The following DNM3 variants were observed in gnomAD, a reference collection of about 807,000 sequenced individuals.
DNM3 encodes dynamin 3.
Under a neutral mutation model 101.6 loss-of-function variants are expected in DNM3, and 47 were observed. The ratio of observed to expected loss-of-function variants is 0.46; its 90% CI spans 0.37 to 0.59. DNM3 has a LOEUF of 0.59. DNM3 is among the 20% of genes least tolerant of loss of function. DNM3 has a pLI of 0.00. For synonymous variants in DNM3, 385 were observed against 387.9 expected, an observed-to-expected ratio of 0.99 and a Z score of 0.09; for missense variants, 849 against 1,085.7, an observed-to-expected ratio of 0.78 and a Z score of 3.06.
chr1:171,847,732 G>A (rs913560036), intron 1 of DNM3, among the ~76,000 whole-genome samples: 1 of 152,094 alleles, frequency 6.6e-6, no homozygotes, highest in Admixed American at 6.5e-5. Context: ...ACAAATGTCA[G>A]GGAAAATGTC....
At chr1:172,168,765 A>G (rs1442639650) in intron 14 of DNM3, among the ~76,000 whole-genome samples, 1 of 151,944 alleles carries the variant, frequency 6.6e-6, no homozygotes, top group East Asian at 1.9e-4. Context: ...CAGGCCCCTC[A>G]CACGGTCTTA....
At chr1:172,206,415 C>T (rs567517164) in intron 14 of DNM3, among the ~76,000 whole-genome samples, 1 of 152,238 alleles carries the variant, frequency 6.6e-6, no homozygotes, top group South Asian at 2.1e-4. Flanking sequence ...TGTTTTATGT[C>T]TACTTCCTCT....
At position 172,201,297 on chromosome 1, in the gene DNM3, TC is replaced by T. The variant is rs199982936; in HGVS notation, c.1660-52271del. 7.2e-5 allele frequency among the ~76,000 whole-genome samples: 11 copies of T among 152,200 alleles called. No individual in the cohort carries two copies. The East Asian group carries it at 1.9e-3, about 27-fold the overall frequency. Reference sequence around the variant, plus strand: ...AATGCTCTGAAAGTGTGGGATCCTCTCCCCCTTGAGTGCTGGCTGTAGATCA... The same window carrying T: ...AATGCTCTGAAAGTGTGGGATCCTCTCCCCTTGAGTGCTGGCTGTAGATCA... On this transcript the variant is annotated intron_variant, in intron 14 of 20. Transcript: ENST00000627582.
chr1:172,277,469 G>A (rs2063333015), intron 15 of DNM3, among the ~76,000 whole-genome samples: 2 of 152,012 alleles, frequency 1.3e-5, no homozygotes, highest in Non-Finnish European at 2.9e-5. Flanking sequence ...CTGATCAAAG[G>A]CAGTGAGTGT....
Position 172,048,566 on chromosome 1 carries a change from A to G in DNM3, c.1197-46A>G, listed in dbSNP as rs1279755317. The G allele has an allele frequency of 7.7e-6, 12 of 1,559,686 alleles. No homozygotes were observed. In the South Asian group the frequency reaches 8.5e-5, roughly 11 times the overall value. Reference sequence around the variant, plus strand: ...ATTTTTCAAAAGATTTTTGAATATTACTCAATTAAAAAAATCTCATGGGCT... The same window carrying G: ...ATTTTTCAAAAGATTTTTGAATATTGCTCAATTAAAAAAATCTCATGGGCT... On this transcript the variant is annotated intron_variant, in intron 9 of 20. Transcript: ENST00000627582.
At chr1:172,037,113 T>C (rs371377606) in intron 6 of DNM3, among the ~76,000 whole-genome samples, 4 of 152,140 alleles carry the variant, frequency 2.6e-5, no homozygotes, top group South Asian at 2.1e-4. Context: ...CCAGTTAGAA[T>C]GGCAATCATT....
downstream of DNM3, chr1:172,412,861 A>G (rs1229753535): frequency 3.0e-6 from 2 of 659,776 alleles, no homozygotes; most frequent in East Asian, 1.4e-4. Flanking sequence ...CATTTCTGTC[A>G]TTAATTTGGA....
At chr1:172,050,523 T>C (rs1453306476) in intron 10 of DNM3, among the ~76,000 whole-genome samples, 6 of 152,198 alleles carry the variant, frequency 3.9e-5, no homozygotes, top group Non-Finnish European at 8.8e-5. Context: ...TTTGTTTCTA[T>C]GAAAACTAAA....
At chr1:172,060,103 C>G (rs2051043307) in intron 10 of DNM3, among the ~76,000 whole-genome samples, 2 of 150,748 alleles carry the variant, frequency 1.3e-5, no homozygotes, top group South Asian at 4.2e-4. Context: ...ACAATTGCTT[C>G]AAAGAGAATA....
chr1:172,352,631 A>AAGGC (rs2067250177), intron 17 of DNM3, among the ~76,000 whole-genome samples: 1 of 152,200 alleles, frequency 6.6e-6, no homozygotes, highest in Non-Finnish European at 1.5e-5. Flanking sequence ...TATCTGGAGT[A>AAGGC]TACCTGTGGT....
chr1:172,357,032 A>G (rs1333951963), intron 17 of DNM3, among the ~76,000 whole-genome samples: 1 of 152,162 alleles, frequency 6.6e-6, no homozygotes, highest in Non-Finnish European at 1.5e-5. Context: ...ATTATAATCC[A>G]TAGAATAAAA....
intron 15 of DNM3, among the ~76,000 whole-genome samples, chr1:172,261,399 G>C (rs905026403): frequency 6.6e-6 from 1 of 152,194 alleles, no homozygotes; most frequent in Non-Finnish European, 1.5e-5. Context: ...CATCAGTGGT[G>C]TCTGAGACTA....
At chr1:172,319,208 C>T (rs1481036118) in intron 16 of DNM3, among the ~76,000 whole-genome samples, 15 of 151,924 alleles carry the variant, frequency 9.9e-5, no homozygotes, top group Non-Finnish European at 2.1e-4. Flanking sequence ...AAACTGGATC[C>T]CTTCCTTACA....
chr1:172,406,487 C>T (rs1458621678), intron 20 of DNM3, among the ~76,000 whole-genome samples: 1 of 151,946 alleles, frequency 6.6e-6, no homozygotes. Context: ...TGTACCTCCC[C>T]AAAGAAAGAT....
intron 11 of DNM3, among the ~76,000 whole-genome samples, chr1:172,071,494 T>C (rs2052189822): frequency 6.6e-6 from 1 of 152,154 alleles, no homozygotes; most frequent in Non-Finnish European, 1.5e-5. Flanking sequence ...TGTGGTACTT[T>C]TAAAGTATCC....
At chr1:172,029,653 A>G (rs2048461617) in intron 4 of DNM3, among the ~76,000 whole-genome samples, 1 of 152,198 alleles carries the variant, frequency 6.6e-6, no homozygotes, top group Non-Finnish European at 1.5e-5. Context: ...ATATTTAGAA[A>G]ACCCCATCGT....
At chr1:172,088,917 CTTATTT>C (rs2053717459) in intron 12 of DNM3, among the ~76,000 whole-genome samples, 1 of 152,162 alleles carries the variant, frequency 6.6e-6, no homozygotes, top group African/African-American at 2.4e-5. Context: ...CTAATGTACT[CTTATTT>C]TTATAGAAGT....
At chr1:172,045,084 A>G (rs913598138) in intron 9 of DNM3, among the ~76,000 whole-genome samples, 6 of 151,758 alleles carry the variant, frequency 4.0e-5, no homozygotes, top group Non-Finnish European at 8.8e-5. Flanking sequence ...CACAGTATAT[A>G]TCCATGGAGC....
intron 1 of DNM3, among the ~76,000 whole-genome samples, chr1:171,896,813 G>C (rs534297998): frequency 1.3e-5 from 2 of 152,210 alleles, no homozygotes; most frequent in South Asian, 4.1e-4. Flanking sequence ...TTTCAAAGAA[G>C]AGTAGATACT....
Sources: allele counts gnomAD v4.1 joint callset (sites outside exome capture counted in the v4.1 genomes callset), GRCh38; gene constraint gnomAD v4.1.1; transcripts MANE v1.5; gene names NCBI Gene and HGNC (gene_info 2026-07-23, HGNC 2026-07-21).